LRFN1: variants seen among roughly 807,000 people sequenced by gnomAD.
LRFN1 encodes the protein leucine-rich repeat and fibronectin type III domain-containing protein 1.
LRFN1 carries 20 observed loss-of-function variants against 31.8 expected under a neutral mutation model. That is an observed-to-expected ratio of 0.63 (90% CI 0.44 to 0.91). The LOEUF (loss-of-function observed/expected upper bound fraction) is 0.91. Ranked by LOEUF, LRFN1 falls within the 40% of genes least tolerant of loss-of-function variation. The pLI, the probability that LRFN1 is intolerant of heterozygous loss-of-function variation, is 0.00. For missense variants in LRFN1, 912 were observed against 1,129.8 expected (o/e 0.81, Z 2.76); for synonymous variants, 514 against 541.3 (o/e 0.95, Z 0.70).
rs1347949148 is a variant in LRFN1, at chr19:39,314,809, G to T, written c.528C>A (p.Ala176=). The T allele has an allele frequency of 6.2e-7, 1 of 1,613,096 alleles. No individual in the cohort carries two copies. The highest frequency in any genetic ancestry group is 1.7e-5 in the Admixed American group (1 of 59,914). ...TCTGGCCCACCGCCTCCCACGGCAG[G>T]GCCTCCAGGTTGTTGTAGGACAGAT... The part of the protein sequence containing the change: ...DLDLSYNNLE[A]LPWEAVGQMV... The change falls in exon 4 of 5, where the codon GCC becomes GCA. Residue 176 remains alanine, a synonymous_variant. Coordinates refer to ENST00000248668, the MANE Select transcript of LRFN1 (RefSeq NM_020862.2).
intron 2 of LRFN1, among the ~76,000 whole-genome samples, chr19:39,316,722 T>A (rs34002960): frequency 0.073 from 11,105 of 151,876 alleles, 461 homozygotes; most frequent in African/African-American, 0.1. Flanking sequence ...ACTCACACAC[T>A]CACACACTCA....
chr19:39,320,100 T>TC (rs765361725), intron 1 of LRFN1, among the ~76,000 whole-genome samples: 1,907 of 80,628 alleles, frequency 0.024, 26 homozygotes, highest in Middle Eastern at 0.049. Flanking sequence ...TGGCCGCCCA[T>TC]CCCCCCCCCG....
rs1244316899 is a variant in LRFN1 at position 39,315,813 on chromosome 19, C to T, written c.-38+269G>A. ...CAGTCTGGGCGACAGAGCAAGACTCCATCTTAAAACATAAATAAAAATAAA... is the reference window on the plus strand; with the variant it reads ...CAGTCTGGGCGACAGAGCAAGACTCTATCTTAAAACATAAATAAAAATAAA... On this transcript the variant is annotated intron_variant, in intron 3 of 4. Transcript: ENST00000248668. This position sits in a 1 kb window ranked among gnomAD's most constrained non-coding sequence, Gnocchi z 4.7. Among the ~76,000 whole-genome samples the T allele has an allele frequency of 6.6e-6, 1 of 152,098 alleles. No homozygotes were observed. The highest frequency in any genetic ancestry group is 2.4e-5 in the African/African-American group (1 of 41,382).
intron 2 of LRFN1, among the ~76,000 whole-genome samples, chr19:39,316,845 G>A (rs1441440124): frequency 6.6e-6 from 1 of 152,150 alleles, no homozygotes; most frequent in African/African-American, 2.4e-5. Flanking sequence ...GGGTGAAGAG[G>A]AAAGGATGGG....
rs545068259 is a variant in LRFN1 at position 39,315,880 on chromosome 19, T to C, written c.-38+202A>G. Among the ~76,000 whole-genome samples, 80 of 152,310 alleles carry C rather than the reference T, an allele frequency of 5.3e-4. No individual in the cohort carries two copies. The highest frequency in any genetic ancestry group is 1.9e-3 in the African/African-American group (77 of 41,558). ...TTGATAGAATACCCCTGTCCCTACT[T>C]GCGTGTCCCACCCTCACCTCTGCCC... On this transcript the variant is annotated intron_variant, in intron 3 of 4. Coordinates refer to ENST00000248668, the MANE Select transcript of LRFN1 (RefSeq NM_020862.2). The surrounding 1 kb of genome is among the most constrained non-coding windows in gnomAD (Gnocchi z 4.7).
At position 39,315,180 on chromosome 19, in the gene LRFN1, T is replaced by C; in HGVS notation, c.157A>G (p.Lys53Glu). 10 of 1,588,794 alleles carry C rather than the reference T, an allele frequency of 6.3e-6. No homozygotes were observed. The highest frequency in any genetic ancestry group is 7.7e-6 in the Non-Finnish European group (9 of 1,174,382). ...GGCGGCACAAAGAGCAAGCCGGTCT[T>C]GGCGCACAGCATTGTCAGTGTGGGC... Reference protein sequence around the residue: ...VAPTLTMLCAKTGLLFVPPAI... With the variant: ...VAPTLTMLCAETGLLFVPPAI... The change falls in exon 4 of 5, where the codon AAG (lysine) becomes GAG (glutamate). Residue 53 changes from lysine (K) to glutamate (E), a missense_variant. Lys to Glu is a moderately conservative substitution (Grantham distance 56). Coordinates refer to ENST00000248668, the MANE Select transcript of LRFN1 (RefSeq NM_020862.2). The surrounding 1 kb of genome is among the most constrained non-coding windows in gnomAD (Gnocchi z 4.7).
chr19:39,320,305 G>GACACACACACACACACAC (rs35232910), intron 1 of LRFN1, among the ~76,000 whole-genome samples: 10 of 134,726 alleles, frequency 7.4e-5, no homozygotes, highest in Admixed American at 3.7e-4. Context: ...ACAACCCGCA[G>GACACACACACACACACAC]ACACACACAC....
chr19:39,307,724 G>T lies in LRFN1; in HGVS notation c.2225C>A (p.Ala742Glu), dbSNP rs62643365. 6.7e-7 allele frequency: 1 copy of T among 1,501,638 alleles called. No homozygotes were observed. Among genetic ancestry groups the T allele is most frequent in the Non-Finnish European group, 8.8e-7 (1 of 1,138,768 alleles). The allele number at this position is 1,501,638 out of a possible 1,614,324, so 93.0% of individuals were successfully genotyped here. The change falls in exon 5 of 5, where the codon GCG becomes GAG. Residue 742 changes from alanine (A) to glutamate (E), a missense_variant. Physicochemically the swap from Ala to Glu is moderately radical, Grantham distance 107 (BLOSUM62 -1). Transcript: ENST00000248668. The surrounding 1 kb of genome is among the most constrained non-coding windows in gnomAD (Gnocchi z 6.7). ...CCCCAGGTCTCCATCCTCCCCGGCCGCGCCCCCTCCAGCCCCGTCCAGGTG... is the reference window on the plus strand; with the variant it reads ...CCCCAGGTCTCCATCCTCCCCGGCCTCGCCCCCTCCAGCCCCGTCCAGGTG... ...TPHLDGAGGG[A>E]AGEDGDLGLG... is the part of the protein sequence containing the mutation.
chr19:39,309,129 C>G (rs1434778001), intron 4 of LRFN1, among the ~76,000 whole-genome samples: 1 of 152,176 alleles, frequency 6.6e-6, no homozygotes, highest in East Asian at 1.9e-4. Flanking sequence ...GCAGGTCGCT[C>G]CCCCTTATCT....
chr19:39,307,908 T>C lies in LRFN1; in HGVS notation c.2041A>G (p.Thr681Ala). ...RSRSGALEPP[T>A]SAPPTLALVP... ...AGAGCTAGAGTAGGGGGCGCCGAGGTTGGTGGCTCCAGGGCGCCGGATCGG... is the reference window on the plus strand; with the variant it reads ...AGAGCTAGAGTAGGGGGCGCCGAGGCTGGTGGCTCCAGGGCGCCGGATCGG... Residue 681 changes from threonine to alanine, a missense_variant, in exon 5 of 5, where the codon ACC becomes GCC. Physicochemically the swap from Thr to Ala is moderately conservative, Grantham distance 58 (BLOSUM62 0). Coordinates refer to ENST00000248668, the MANE Select transcript of LRFN1 (RefSeq NM_020862.2). The surrounding 1 kb of genome is among the most constrained non-coding windows in gnomAD (Gnocchi z 6.7). The C allele has an allele frequency of 6.4e-7, 1 of 1,566,254 alleles. No individual in the cohort carries two copies. The highest frequency in any genetic ancestry group is 8.6e-7 in the Non-Finnish European group (1 of 1,163,528).
At position 39,307,599 on chromosome 19, in the gene LRFN1, G is replaced by A. The variant is rs2075133500; in HGVS notation, c.*34C>T. The A allele has an allele frequency of 7.3e-7, 1 of 1,376,810 alleles. No homozygotes were observed. Among genetic ancestry groups the A allele is most frequent in the Non-Finnish European group, 9.3e-7 (1 of 1,072,496 alleles). 85.3% of individuals were successfully genotyped at this position (1,376,810 alleles called of 1,614,324 possible). A position where few individuals can be genotyped will look rare whatever the true frequency, so the allele number is the denominator to read the frequency against. On this transcript the variant is annotated 3_prime_UTR_variant, in exon 5 of 5. Coordinates refer to ENST00000248668, the MANE Select transcript of LRFN1 (RefSeq NM_020862.2). This position sits in a 1 kb window ranked among gnomAD's most constrained non-coding sequence, Gnocchi z 6.7. ...GTCCGTGCGGCTGGGCGTTTGGTCT[G>A]CGGCACCCAGGCGTCCCGGCGCCCG...
intron 4 of LRFN1, among the ~76,000 whole-genome samples, chr19:39,309,060 T>C (rs1442289400): frequency 6.6e-6 from 1 of 152,240 alleles, no homozygotes; most frequent in East Asian, 1.9e-4. Context: ...ACTGGAACAA[T>C]GGATGCTCTT....
In LRFN1 at chr19:39,307,944, G is replaced by A; in HGVS notation, c.2005C>T (p.Pro669Ser). 1.3e-6 allele frequency: 2 copies of A among 1,568,746 alleles called. No individual in the cohort carries two copies. Among genetic ancestry groups the A allele is most frequent in the Non-Finnish European group, 1.7e-6 (2 of 1,165,738 alleles). Reference sequence around the variant, plus strand: ...AGGGCGCCGGATCGGCTCCTTCGAGGGCCCACCGCGGCCCGAGACTCCTCC... The same window carrying A: ...AGGGCGCCGGATCGGCTCCTTCGAGAGCCCACCGCGGCCCGAGACTCCTCC... ...SGEESRAAVG[P>S]RRSRSGALEP... is the part of the protein sequence containing the mutation. Residue 669 changes from proline (P) to serine (S), a missense_variant, in exon 5 of 5, where the codon CCT becomes TCT. Physicochemically the swap from Pro to Ser is moderately conservative, Grantham distance 74 (BLOSUM62 -1). Around this residue, in one of 2 missense-constraint regions of LRFN1, gnomAD observed 511 missense variants for 557.0 expected, o/e 0.92. Transcript: ENST00000248668. The surrounding 1 kb of genome is among the most constrained non-coding windows in gnomAD (Gnocchi z 6.7).
Position 39,308,421 on chromosome 19 carries a change from C to A in LRFN1, c.1528G>T (p.Val510Leu). ...GCGGTGGTGAACTGTACACAGCCCACCACTCGCGTTGCCGGCAGCGCTGTG... is the reference window on the plus strand; with the variant it reads ...GCGGTGGTGAACTGTACACAGCCCAACACTCGCGTTGCCGGCAGCGCTGTG... ...GATALPATRV[V>L]GCVQFTTAGD... Residue 510 changes from valine (V) to leucine (L), a missense_variant, in exon 5 of 5, where the codon GTG becomes TTG. By Grantham distance (32) the Val-to-Leu change is conservative. Transcript: ENST00000248668. The surrounding 1 kb of genome is among the most constrained non-coding windows in gnomAD (Gnocchi z 6.2). 7 of 1,611,332 alleles carry A rather than the reference C, an allele frequency of 4.3e-6. No homozygotes were observed. Among genetic ancestry groups the A allele is most frequent in the Non-Finnish European group, 5.9e-6 (7 of 1,179,426 alleles).
In LRFN1 at chr19:39,314,113, G is replaced by A. The variant is rs770537675; in HGVS notation, c.1224C>T (p.Ser408=). Residue 408 remains serine, a synonymous_variant, in exon 4 of 5, where the codon TCC becomes TCT. Transcript: ENST00000248668. ...AAPPPLTEPG[S]SDIATPGRPG... The stretch of plus-strand genomic sequence containing the variant: ...GTCTGCCCGGCGTGGCGATGTCAGA[G>A]GAGCCGGGCTCGGTGAGAGGCGGCG... 1 of 1,612,254 alleles carries A rather than the reference G, an allele frequency of 6.2e-7. No homozygotes were observed. The highest frequency in any genetic ancestry group is 2.2e-5 in the East Asian group (1 of 44,818).
Position 39,314,146 on chromosome 19 carries a change from C to G in LRFN1, c.1191G>C (p.Pro397=). The G allele has an allele frequency of 6.2e-7, 1 of 1,611,968 alleles. No homozygotes were observed. Among genetic ancestry groups the G allele is most frequent in the Non-Finnish European group, 8.5e-7 (1 of 1,179,288 alleles). ...GCTCGGTGAGAGGCGGCGGGGCAGC[C>G]GGCGGGGGTGCCATCAGAGGCAGAG... is the stretch of plus-strand genomic sequence containing the variant. The part of the protein sequence containing the change: ...VVPLPLMAPP[P]AAPPPLTEPG... Residue 397 remains proline (P), a synonymous_variant, in exon 4 of 5, where the codon CCG becomes CCC. Transcript: ENST00000248668.
Position 39,314,264 on chromosome 19 carries a change from G to A in LRFN1, c.1073C>T (p.Thr358Ile). 6.2e-7 allele frequency: 1 copy of A among 1,613,078 alleles called. No individual in the cohort carries two copies. Among genetic ancestry groups the A allele is most frequent in the Non-Finnish European group, 8.5e-7 (1 of 1,179,652 alleles). ...GCCACTGTCCCTCAAGGTGGTGATGGTCACATCCAGCGTCCCGTCCCCCCG... is the reference window on the plus strand; with the variant it reads ...GCCACTGTCCCTCAAGGTGGTGATGATCACATCCAGCGTCCCGTCCCCCCG... ...RVRGDGTLDV[T>I]ITTLRDSGTF... is the part of the protein sequence containing the mutation. The change falls in exon 4 of 5, where the codon ACC becomes ATC. Residue 358 changes from threonine (T) to isoleucine (I), a missense_variant. Thr to Ile is a moderately conservative substitution (Grantham distance 89). This residue lies in a region of LRFN1 where 401 missense variants were observed against 572.7 expected (regional missense o/e 0.70). Transcript: ENST00000248668.
intron 1 of LRFN1, among the ~76,000 whole-genome samples, chr19:39,320,071 C>A (rs1381518089): frequency 6.8e-6 from 1 of 146,914 alleles, no homozygotes; most frequent in South Asian, 2.3e-4. Flanking sequence ...TCTCATCCCC[C>A]CTCCATCTGT....
rs71169583 is a variant in LRFN1 at position 39,309,478 on chromosome 19, C to CAAAAAAAAAAAAAAAAAAA, written c.1407-955_1407-937dup. On this transcript the variant is annotated intron_variant, in intron 4 of 4. Transcript: ENST00000248668. ...ACTCTGTCTCAAAAAACAAACAAAC[C>CAAAAAAAAAAAAAAAAAAA]AAAAAAAAAAAAAAAAAAAAAAAAA... Among the ~76,000 whole-genome samples the CAAAAAAAAAAAAAAAAAAA allele has an allele frequency of 3.1e-4, 10 of 31,998 alleles. 2 individuals carry two copies. Among genetic ancestry groups the CAAAAAAAAAAAAAAAAAAA allele is most frequent in the African/African-American group, 1.2e-3 (8 of 6,826 alleles). 21.0% of individuals were successfully genotyped at this position (31,998 alleles called of 152,430 possible).
Sources: gnomAD v4.1 joint callset for allele counts (sites outside exome capture counted in the v4.1 genomes callset) on GRCh38, gnomAD v4.1.1 for gene constraint, gnomAD v4.1.1 regional missense constraint, Gnocchi (gnomAD v3.1) non-coding constraint, MANE v1.5 for transcripts, NCBI Gene and HGNC (gene_info 2026-07-23, HGNC 2026-07-21) for gene names.